The following SLC9A6 variants were observed in gnomAD, a reference collection of about 807,000 sequenced individuals.
The protein encoded by SLC9A6 is solute carrier family 9 member A6, also known as sodium/hydrogen exchanger 6.
SLC9A6 carries 6 observed loss-of-function variants against 45.3 expected under a neutral mutation model. That is an observed-to-expected ratio of 0.13 (90% confidence interval 0.07 to 0.26). The LOEUF (loss-of-function observed/expected upper bound fraction) is 0.26, where lower values mean the gene tolerates loss of function less well. SLC9A6 is among the 10% of genes least tolerant of loss of function. The pLI, the probability that SLC9A6 is intolerant of heterozygous loss-of-function variation, is 1.00. For missense variants in SLC9A6, 278 were observed against 503.7 expected, an observed-to-expected ratio of 0.55 and a Z score of 4.29; for synonymous variants, 191 against 187.7, an observed-to-expected ratio of 1.02 and a Z score of -0.14.
chrX:136,012,046 T>C (rs782203344), intron 8 of SLC9A6, among the ~76,000 whole-genome samples: 23 of 112,418 alleles, frequency 2.0e-4, no homozygotes, highest in Non-Finnish European at 2.3e-4. Flanking sequence ...GCCGAGATGG[T>C]GCCACTGCAC....
intron 16 of SLC9A6, among the ~76,000 whole-genome samples, chrX:136,034,163 G>A (rs781884561): frequency 5.1e-4 from 56 of 110,233 alleles, no homozygotes; most frequent in African/African-American, 1.6e-3. Flanking sequence ...GTTGGGAACC[G>A]GGCCACACAG....
intron 3 of SLC9A6, among the ~76,000 whole-genome samples, chrX:135,997,658 C>T (rs1169314027): frequency 4.7e-5 from 5 of 107,126 alleles, no homozygotes; most frequent in South Asian, 4.1e-4. Flanking sequence ...TCCGCCCATC[C>T]GCCCACCTCC....
At chrX:136,031,207 C>A (rs1382358464) in intron 15 of SLC9A6, among the ~76,000 whole-genome samples, 1 of 111,873 alleles carries the variant, frequency 8.9e-6, no homozygotes, top group African/African-American at 3.3e-5. Context: ...GTGCCTCCTC[C>A]CTGTGTGAAA....
chrX:135,985,540 G>T, intron 1 of SLC9A6, 63 bp downstream of exon 1: 1 of 1,165,062 alleles, frequency 8.6e-7, no homozygotes, highest in Non-Finnish European at 1.1e-6. Context: ...CCCCTCCGCC[G>T]TGGCGTCGGC....
At chrX:136,022,018 A>G (rs1312234301) in intron 11 of SLC9A6, among the ~76,000 whole-genome samples, 2 of 111,732 alleles carry the variant, frequency 1.8e-5, no homozygotes, top group Non-Finnish European at 3.8e-5. Flanking sequence ...TTTCCCTTTG[A>G]AGCAAGTTGG....
intron 1 of SLC9A6, among the ~76,000 whole-genome samples, chrX:135,978,315 A>G (rs908486720): frequency 3.6e-5 from 4 of 112,030 alleles, no homozygotes; most frequent in African/African-American, 1.3e-4. Context: ...TGCACAAAGT[A>G]TCCTAGGTTA....
chrX:135,991,842 A>G (rs1458715216), intron 2 of SLC9A6, among the ~76,000 whole-genome samples: 6 of 106,492 alleles, frequency 5.6e-5, no homozygotes, highest in Non-Finnish European at 7.7e-5. Context: ...TCCTTCTCAG[A>G]CTCCTTCATC....
chrX:136,002,956 A>G (rs1026567914), intron 7 of SLC9A6, among the ~76,000 whole-genome samples: 14 of 109,716 alleles, frequency 1.3e-4, no homozygotes, highest in African/African-American at 4.6e-4. Context: ...ATCTGTCCTC[A>G]TCCACCTGTC....
intron 16 of SLC9A6, among the ~76,000 whole-genome samples, chrX:136,038,897 T>A (rs1328879116): frequency 1.0e-5 from 1 of 97,335 alleles, no homozygotes; most frequent in African/African-American, 4.4e-5. Flanking sequence ...CTCAAAATGC[T>A]AGAATTCATC....
At chrX:135,984,004 G>A (rs1230664140), upstream of SLC9A6, among the ~76,000 whole-genome samples, 3 of 111,137 alleles carry the variant, frequency 2.7e-5, no homozygotes, top group Non-Finnish European at 5.7e-5. Flanking sequence ...ACAGTCACTG[G>A]CTCTGATTTG....
chrX:136,021,508 T>TAAATGGTGCTG (rs1556619920), intron 11 of SLC9A6, among the ~76,000 whole-genome samples: 3 of 112,508 alleles, frequency 2.7e-5, no homozygotes, highest in African/African-American at 9.7e-5. Flanking sequence ...CCAAAGTTAC[T>TAAATGGTGCTG]TAGACCAACA....
chrX:136,024,835 T>C (rs1349776572), intron 13 of SLC9A6, among the ~76,000 whole-genome samples: 1 of 111,770 alleles, frequency 8.9e-6, no homozygotes, highest in African/African-American at 3.3e-5. Flanking sequence ...TATGTCCTGA[T>C]TTACTTAATC....
chrX:135,988,187 A>G (rs1319070260), intron 2 of SLC9A6, among the ~76,000 whole-genome samples: 1 of 112,207 alleles, frequency 8.9e-6, no homozygotes, highest in Non-Finnish European at 1.9e-5. Flanking sequence ...ATAAAAAGTG[A>G]TAGAGCACCT....
intron 15 of SLC9A6, among the ~76,000 whole-genome samples, chrX:136,030,913 A>G (rs1434185770): frequency 8.9e-6 from 1 of 112,427 alleles, no homozygotes; most frequent in African/African-American, 3.2e-5. Flanking sequence ...CATCTCTTTC[A>G]AAACACAATT....
Position 136,046,459 on chromosome X carries a change from G to A in SLC9A6, c.*1735G>A, listed in dbSNP as rs2071600691. On this transcript the variant is annotated 3_prime_UTR_variant, in exon 18 of 18. Transcript: ENST00000630721. Reference sequence around the variant, plus strand: ...CTCTTCACGCAGTAAATAGTTTCTTGTTAATGTATGTTTGAGGAGTTTGAA... The same window carrying A: ...CTCTTCACGCAGTAAATAGTTTCTTATTAATGTATGTTTGAGGAGTTTGAA... 8.9e-6 allele frequency: 1 copy of A among 112,689 alleles called. No individual in the cohort carries two copies. Among genetic ancestry groups the A allele is most frequent in the African/African-American group, 3.2e-5 (1 of 30,953 alleles). The allele number at this position is 112,689 out of a possible 1,213,427, so 9.3% of individuals were successfully genotyped here.
At chrX:135,987,159 T>C (rs782763430) in intron 2 of SLC9A6, among the ~76,000 whole-genome samples, 1 of 112,254 alleles carries the variant, frequency 8.9e-6, no homozygotes, top group South Asian at 3.7e-4. Context: ...AAAATATCTC[T>C]GCTCACTAAG....
chrX:135,975,999 AAAGT>A (rs2089260368), intron 1 of SLC9A6, among the ~76,000 whole-genome samples: 1 of 108,346 alleles, frequency 9.2e-6, no homozygotes, highest in Non-Finnish European at 1.9e-5. Flanking sequence ...AAAAAAAAAA[AAAGT>A]AGAAGAAGAC....
At chrX:135,974,622 T>C (rs1556613119), upstream of SLC9A6, 2 of 340,954 alleles carry the variant, frequency 5.9e-6, no homozygotes. Flanking sequence ...AAACTGTGCC[T>C]TTTGTTTTCT....
intron 11 of SLC9A6, among the ~76,000 whole-genome samples, chrX:136,020,612 C>G (rs782155752): frequency 2.7e-5 from 3 of 112,151 alleles, no homozygotes; most frequent in Non-Finnish European, 5.6e-5. Context: ...CTCAAGTGAT[C>G]TGCGCCTCTC....
Sources: allele counts gnomAD v4.1 joint callset (sites outside exome capture counted in the v4.1 genomes callset), GRCh38; gene constraint gnomAD v4.1.1; transcripts MANE v1.5; gene names NCBI Gene and HGNC (gene_info 2026-07-23, HGNC 2026-07-21).